TNFRSF9: variants seen among roughly 807,000 people sequenced by gnomAD.
The protein encoded by TNFRSF9 is TNF receptor superfamily member 9.
Under a neutral mutation model 28.8 loss-of-function variants are expected in TNFRSF9, and 16 were observed. The ratio of observed to expected loss-of-function variants is 0.55; its 90% CI spans 0.38 to 0.84. The LOEUF (loss-of-function observed/expected upper bound fraction) is 0.84. Ranked by LOEUF, TNFRSF9 falls within the 40% of genes least tolerant of loss-of-function variation. The pLI, the probability that TNFRSF9 is intolerant of heterozygous loss-of-function variation, is 0.00. For missense variants in TNFRSF9, 303 were observed against 315.0 expected (o/e 0.96, Z 0.29); for synonymous variants, 131 against 117.0 (o/e 1.12, Z -0.77).
chr1:7,936,898 C>T (rs1164284009), intron 5 of TNFRSF9, among the ~76,000 whole-genome samples: 1 of 152,236 alleles, frequency 6.6e-6, no homozygotes, highest in African/African-American at 2.4e-5. Flanking sequence ...TGTGGACCAG[C>T]ACCCATCCAC....
chr1:7,934,053 C>T (rs1232793671), intron 6 of TNFRSF9, among the ~76,000 whole-genome samples: 1 of 151,812 alleles, frequency 6.6e-6, no homozygotes, highest in African/African-American at 2.4e-5. Flanking sequence ...AATAATTGAG[C>T]AGTTTATCCT....
At chr1:7,930,843 A>C (rs978424974) in intron 7 of TNFRSF9, among the ~76,000 whole-genome samples, 4 of 152,098 alleles carry the variant, frequency 2.6e-5, no homozygotes, top group Non-Finnish European at 5.9e-5. Flanking sequence ...GTAGACCTCA[A>C]AAAAAGAATG....
intron 7 of TNFRSF9, among the ~76,000 whole-genome samples, chr1:7,928,917 A>C (rs1291749182): frequency 1.3e-5 from 2 of 151,796 alleles, no homozygotes; most frequent in East Asian, 3.9e-4. Context: ...AAACCAAAAA[A>C]CAAACAAACA....
chr1:7,930,029 G>A (rs2151416186), intron 7 of TNFRSF9, among the ~76,000 whole-genome samples: 1 of 143,676 alleles, frequency 7.0e-6, no homozygotes, highest in South Asian at 2.2e-4. Flanking sequence ...GAGTGCAATG[G>A]CACGATCTCA....
chr1:7,927,594 G>A (rs1324539764), intron 7 of TNFRSF9, among the ~76,000 whole-genome samples: 1 of 152,084 alleles, frequency 6.6e-6, no homozygotes, highest in Non-Finnish European at 1.5e-5. Flanking sequence ...TTGAGCCCAG[G>A]AGGTGGAGGC....
At chr1:7,920,946 CG>C (rs760815682) in intron 7 of TNFRSF9, 23 bp from the exon 8 acceptor site, 1 of 1,524,632 alleles carries the variant, frequency 6.6e-7, no homozygotes, top group Admixed American at 1.7e-5. Context: ...TTTTAAGATA[CG>C]TATATTTTGT....
chr1:7,934,982 G>T (rs186186928), intron 6 of TNFRSF9, 31 bp downstream of exon 6: 4 of 1,611,424 alleles, frequency 2.5e-6, no homozygotes, highest in Non-Finnish European at 3.4e-6. Flanking sequence ...CATAAGATAC[G>T]CACTTTGGCG....
intron 7 of TNFRSF9, among the ~76,000 whole-genome samples, chr1:7,927,895 G>A (rs1306812272): frequency 1.3e-5 from 2 of 152,024 alleles, no homozygotes; most frequent in Non-Finnish European, 2.9e-5. Context: ...CTGACTGGGA[G>A]AAAATATTTA....
intron 7 of TNFRSF9, among the ~76,000 whole-genome samples, chr1:7,924,130 G>C (rs1321235765): frequency 2.0e-5 from 3 of 151,998 alleles, no homozygotes; most frequent in Non-Finnish European, 4.4e-5. Context: ...GCTCACGTTT[G>C]TGGTGATACT....
rs1371631493 is a variant in TNFRSF9, at chr1:7,918,140, TACCCA to T, written c.*2690_*2694del. The stretch of plus-strand genomic sequence containing the variant: ...CTGGGGTTACAGGCACCCGCCACCA[TACCCA>T]GCTAAGTTTTGTACATGTTTAGTAG... On this transcript the variant is annotated 3_prime_UTR_variant, in exon 8 of 8. Transcript: ENST00000377507. 6.6e-6 allele frequency: 1 copy of T among 151,816 alleles called. No individual in the cohort carries two copies. The highest frequency in any genetic ancestry group is 1.5e-5 in the Non-Finnish European group (1 of 67,960). The allele number at this position is 151,816 out of a possible 1,614,324, so 9.4% of individuals were successfully genotyped here. A position where few individuals can be genotyped will look rare whatever the true frequency, so the allele number is the denominator to read the frequency against.
intron 5 of TNFRSF9, 84 bp from the exon 6 acceptor site, chr1:7,935,227 A>C: frequency 6.8e-7 from 1 of 1,467,832 alleles, no homozygotes; most frequent in Non-Finnish European, 9.3e-7. Context: ...TTTTCACCCA[A>C]TGAAGTAGCC....
rs761933847 is a variant in TNFRSF9 at position 7,934,991 on chromosome 1, C to T, written c.544+22G>A. On this transcript the variant is annotated intron_variant, in intron 6 of 7. Coordinates refer to ENST00000377507, the MANE Select transcript of TNFRSF9 (RefSeq NM_001561.6). ...AATCACCATAAGATACGCACTTTGGCGTAAAGGCATAGCCCAGTTACCTGG... is the reference window on the plus strand; with the variant it reads ...AATCACCATAAGATACGCACTTTGGTGTAAAGGCATAGCCCAGTTACCTGG... The T allele has an allele frequency of 7.4e-6, 12 of 1,612,274 alleles. No homozygotes were observed. In the East Asian group the frequency reaches 8.9e-5, roughly 12 times the overall value.
At chr1:7,921,193 G>A (rs531860897) in intron 7 of TNFRSF9, among the ~76,000 whole-genome samples, 22 of 151,792 alleles carry the variant, frequency 1.4e-4, no homozygotes, top group African/African-American at 4.8e-4. Context: ...AAAATTAGCC[G>A]GGCGTGGTGG....
At chr1:7,929,382 G>A (rs1639700451) in intron 7 of TNFRSF9, among the ~76,000 whole-genome samples, 2 of 151,902 alleles carry the variant, frequency 1.3e-5, no homozygotes, top group African/African-American at 4.8e-5. Flanking sequence ...GGCCAGGCTG[G>A]TCTCGAACTC....
At chr1:7,937,219 G>C (rs910231771) in intron 5 of TNFRSF9, among the ~76,000 whole-genome samples, 1 of 152,120 alleles carries the variant, frequency 6.6e-6, no homozygotes, top group East Asian at 1.9e-4. Context: ...TCTGGAGTGC[G>C]ATGGTGCGAT....
rs1639474419 is a variant in TNFRSF9, at chr1:7,916,037, A to G, written c.*4798T>C. ...GGGCACCTCTCACCCACAGATGGAAACATCTTCCTGTGGGGGAAGATGCCC... is the reference window on the plus strand; with the variant it reads ...GGGCACCTCTCACCCACAGATGGAAGCATCTTCCTGTGGGGGAAGATGCCC... On this transcript the variant is annotated 3_prime_UTR_variant, in exon 8 of 8. Coordinates refer to ENST00000377507, the MANE Select transcript of TNFRSF9 (RefSeq NM_001561.6). 1 of 152,142 alleles carries G rather than the reference A, an allele frequency of 6.6e-6. No homozygotes were observed. Among genetic ancestry groups the G allele is most frequent in the Non-Finnish European group, 1.5e-5 (1 of 68,004 alleles). The allele number at this position is 152,142 out of a possible 1,614,324, so 9.4% of individuals were successfully genotyped here. A position where few individuals can be genotyped will look rare whatever the true frequency, so the allele number is the denominator to read the frequency against.
At chr1:7,932,338 T>C (rs1578074743) in intron 7 of TNFRSF9, among the ~76,000 whole-genome samples, 1 of 152,192 alleles carries the variant, frequency 6.6e-6, no homozygotes, top group Admixed American at 6.5e-5. Flanking sequence ...AAAAAACAGA[T>C]TGCCTTCCAT....
At chr1:7,928,962 C>G (rs9658012) in intron 7 of TNFRSF9, among the ~76,000 whole-genome samples, 1 of 151,758 alleles carries the variant, frequency 6.6e-6, no homozygotes, top group African/African-American at 2.4e-5. Context: ...CAGGGAAGGC[C>G]GTGAAGGGGG....
intron 7 of TNFRSF9, among the ~76,000 whole-genome samples, chr1:7,925,258 A>G (rs1439102007): frequency 6.6e-6 from 1 of 151,974 alleles, no homozygotes; most frequent in Non-Finnish European, 1.5e-5. Flanking sequence ...CAGTGAGCCA[A>G]GATCTCGCCA....
Sources: gnomAD v4.1 joint callset for allele counts (sites outside exome capture counted in the v4.1 genomes callset) on GRCh38, gnomAD v4.1.1 for gene constraint, MANE v1.5 for transcripts, NCBI Gene and HGNC (gene_info 2026-07-23, HGNC 2026-07-21) for gene names.